The following ALMS1 variants were observed in gnomAD, a reference collection of about 807,000 sequenced individuals.
ALMS1 encodes centrosome-associated protein ALMS1.
A neutral mutation model predicts 352.2 loss-of-function variants in ALMS1; 271 were observed. The observed-to-expected ratio is 0.77, with a 90% CI of 0.70 to 0.85. The LOEUF (loss-of-function observed/expected upper bound fraction) is 0.85. Among genes scored for constraint, ALMS1 ranks in the 40% least tolerant of loss-of-function variants. The pLI is 0.00. For synonymous variants in ALMS1, 1,865 were observed against 1,761.2 expected (o/e 1.06, Z -1.48); for missense variants, 5,445 against 4,870.7 (o/e 1.12, Z -3.51).
chr2:73,606,278 A>T (rs1042043433), intron 21 of ALMS1, among the ~76,000 whole-genome samples: 1 of 152,242 alleles, frequency 6.6e-6, no homozygotes, highest in Non-Finnish European at 1.5e-5. Context: ...CAATAGATAA[A>T]ACCTACATTG....
Position 73,448,976 on chromosome 2 carries a change from C to T in ALMS1, c.2449C>T (p.Leu817Phe). ...PSSAYSHREK[L>F]LVFYQQALLD... ...TAGTGCATACTCACACAGAGAGAAG[C>T]TCCTTGTTTTCTACCAACAGGCCTT... Residue 817 changes from leucine to phenylalanine, a missense_variant, in exon 8 of 23, where the codon CTC becomes TTC. Coordinates refer to ENST00000613296, the MANE Select transcript of ALMS1 (RefSeq NM_001378454.1). 1 of 1,614,016 alleles carries T rather than the reference C, an allele frequency of 6.2e-7. No homozygotes were observed. Among genetic ancestry groups the T allele is most frequent in the South Asian group, 1.1e-5 (1 of 91,072 alleles).
chr2:73,481,431 T>G (rs1046714954), intron 9 of ALMS1, among the ~76,000 whole-genome samples: 10 of 152,328 alleles, frequency 6.6e-5, no homozygotes, highest in Admixed American at 6.5e-4. Flanking sequence ...GTTCCATTGA[T>G]CTATATCTCT....
intron 20 of ALMS1, among the ~76,000 whole-genome samples, chr2:73,602,595 C>T (rs1447384780): frequency 2.0e-5 from 3 of 152,188 alleles, no homozygotes; most frequent in African/African-American, 4.8e-5. Context: ...GTCACTGCAT[C>T]GTAAACCAGC....
intron 9 of ALMS1, among the ~76,000 whole-genome samples, chr2:73,484,908 C>G (rs868772561): frequency 6.6e-6 from 1 of 152,182 alleles, no homozygotes; most frequent in African/African-American, 2.4e-5. Context: ...GTTCTCGAGC[C>G]TTGTTTTTCA....
intron 11 of ALMS1, among the ~76,000 whole-genome samples, chr2:73,524,922 C>T (rs1427120051): frequency 6.6e-6 from 1 of 152,206 alleles, no homozygotes; most frequent in Admixed American, 6.5e-5. Flanking sequence ...CCATCTTTCT[C>T]TCTCATGTGT....
chr2:73,507,663 CT>C (rs1673357560), intron 10 of ALMS1, among the ~76,000 whole-genome samples: 1 of 152,138 alleles, frequency 6.6e-6, no homozygotes, highest in East Asian at 1.9e-4. Flanking sequence ...ATTCTTCTCT[CT>C]TTTCTTCTTT....
chr2:73,412,295 CTT>C (rs1485433234), intron 2 of ALMS1, among the ~76,000 whole-genome samples: 1 of 152,178 alleles, frequency 6.6e-6, no homozygotes, highest in East Asian at 1.9e-4. Context: ...TATCCAATTT[CTT>C]TCTCTTTAGT....
In ALMS1 at chr2:73,449,299, C is replaced by T. The variant is rs1412492756; in HGVS notation, c.2772C>T (p.Asp924=). ...TTTTTTCCCAGCAGACCCTGCCAGA[C>T]TTTCTTTTCCCTGAAGAAGCTCTGA... The part of the protein sequence containing the change: ...PIIFSQQTLP[D]FLFPEEALKV... Residue 924 remains aspartate, a synonymous_variant, in exon 8 of 23, where the codon GAC becomes GAT. Coordinates refer to ENST00000613296, the MANE Select transcript of ALMS1 (RefSeq NM_001378454.1). 1 of 1,613,858 alleles carries T rather than the reference C, an allele frequency of 6.2e-7. No homozygotes were observed. The highest frequency in any genetic ancestry group is 1.3e-5 in the African/African-American group (1 of 74,884).
chr2:73,411,047 A>T (rs1294134665), intron 2 of ALMS1, among the ~76,000 whole-genome samples: 3 of 152,032 alleles, frequency 2.0e-5, no homozygotes, highest in Non-Finnish European at 4.4e-5. Context: ...GTGCCCTCCC[A>T]AATTATATGT....
chr2:73,523,489 A>G (rs1673726374), intron 11 of ALMS1, among the ~76,000 whole-genome samples: 1 of 152,192 alleles, frequency 6.6e-6, no homozygotes, highest in Admixed American at 6.5e-5. Context: ...GTTTCTGGCC[A>G]GGCGTGGTGG....
chr2:73,386,055 C>T lies in ALMS1; in HGVS notation c.187C>T (p.Gln63Ter). Residue 63 changes from glutamine to a stop codon, truncating the protein, a stop_gained, in exon 1 of 23, where the codon CAG (glutamine) becomes TAG (stop). Transcript: ENST00000613296. LOFTEE classifies it high-confidence loss of function. ...ELDSDSHYGP[Q>*]HLESIDDEED... ...GGACTCCGACTCTCACTACGGGCCC[C>T]AGCATCTGGAAAGTATAGACGACGA... 1.3e-6 allele frequency: 2 copies of T among 1,586,314 alleles called. No homozygotes were observed. The highest frequency in any genetic ancestry group is 8.6e-7 in the Non-Finnish European group (1 of 1,166,918).
intron 16 of ALMS1, among the ~76,000 whole-genome samples, chr2:73,593,403 G>A (rs1485152637): frequency 6.6e-6 from 1 of 151,938 alleles, no homozygotes; most frequent in African/African-American, 2.4e-5. Flanking sequence ...AGGATTGTTT[G>A]TTGTTTATTA....
At chr2:73,548,330 C>T (rs1674361837) in intron 12 of ALMS1, among the ~76,000 whole-genome samples, 1 of 152,190 alleles carries the variant, frequency 6.6e-6, no homozygotes, top group Non-Finnish European at 1.5e-5. Context: ...TAAATCTATA[C>T]TCGCACATAC....
At chr2:73,534,104 T>A (rs1290252957) in intron 11 of ALMS1, among the ~76,000 whole-genome samples, 1 of 152,186 alleles carries the variant, frequency 6.6e-6, no homozygotes, top group East Asian at 1.9e-4. Flanking sequence ...TGAATATTTT[T>A]ATTATAAATA....
intron 9 of ALMS1, chr2:73,456,786 C>G (rs1672075599): frequency 6.6e-6 from 1 of 152,156 alleles, no homozygotes; most frequent in Non-Finnish European, 1.5e-5. Context: ...TGTCTTAGCA[C>G]CATTTGTATA....
chr2:73,476,017 A>G (rs1282783987), intron 9 of ALMS1, among the ~76,000 whole-genome samples: 2 of 151,900 alleles, frequency 1.3e-5, no homozygotes, highest in Non-Finnish European at 2.9e-5. Context: ...TGTAATACTG[A>G]AACTCTATAT....
chr2:73,404,477 T>G (rs900102452), intron 1 of ALMS1, among the ~76,000 whole-genome samples: 14 of 152,090 alleles, frequency 9.2e-5, no homozygotes, highest in African/African-American at 3.4e-4. Flanking sequence ...ACTTTTTTTT[T>G]TTTTAAATAA....
At chr2:73,570,322 T>C (rs573390708) in intron 15 of ALMS1, among the ~76,000 whole-genome samples, 17 of 152,158 alleles carry the variant, frequency 1.1e-4, no homozygotes, top group African/African-American at 3.1e-4. Context: ...AGTAACAGCA[T>C]GGAAATGGTA....
chr2:73,400,070 T>G (rs1670843413), intron 1 of ALMS1, among the ~76,000 whole-genome samples: 1 of 151,682 alleles, frequency 6.6e-6, no homozygotes, highest in South Asian at 2.1e-4. Flanking sequence ...CCTGAGTAAC[T>G]GGGACCACAG....
Sources: gnomAD v4.1 joint callset for allele counts (sites outside exome capture counted in the v4.1 genomes callset) on GRCh38, gnomAD v4.1.1 for gene constraint, MANE v1.5 for transcripts, NCBI Gene and HGNC (gene_info 2026-07-23, HGNC 2026-07-21) for gene names.